The following ASPHD2 variants were observed in gnomAD, a reference collection of about 807,000 sequenced individuals.
The protein encoded by ASPHD2 is aspartate beta-hydroxylase domain containing 2.
Under a neutral mutation model 34.6 loss-of-function variants are expected in ASPHD2, and 12 were observed. The ratio of observed to expected loss-of-function variants is 0.35; its 90% confidence interval spans 0.22 to 0.56. ASPHD2 has a LOEUF of 0.56. Among genes scored for constraint, ASPHD2 ranks in the 20% least tolerant of loss-of-function variants. ASPHD2 has a pLI of 0.87. For missense variants in ASPHD2, 375 were observed against 505.0 expected (o/e 0.74, Z 2.47); for synonymous variants, 224 against 212.2 (o/e 1.06, Z -0.48).
chr22:26,443,279 C>A lies in ASPHD2; in HGVS notation c.*73C>A. On this transcript the variant is annotated 3_prime_UTR_variant, in exon 4 of 4. Transcript: ENST00000215906. ...GGGCAGACTGTGGTCCGGTCCAGTCCCTACCGGTGTTGTTTCCATGCTCAG... is the reference window on the plus strand; with the variant it reads ...GGGCAGACTGTGGTCCGGTCCAGTCACTACCGGTGTTGTTTCCATGCTCAG... The A allele has an allele frequency of 7.9e-7, 1 of 1,273,390 alleles. No individual in the cohort carries two copies. The highest frequency in any genetic ancestry group is 1.1e-6 in the Non-Finnish European group (1 of 877,676). 78.9% of individuals were successfully genotyped at this position (1,273,390 alleles called of 1,614,324 possible).
rs1201256237 is a variant in ASPHD2 at position 26,434,476 on chromosome 22, C to G, written c.861C>G (p.Thr287=). 68 of 1,592,932 alleles carry G rather than the reference C, an allele frequency of 4.3e-5. No individual in the cohort carries two copies. The highest frequency in any genetic ancestry group is 5.1e-5 in the Non-Finnish European group (60 of 1,165,266). Residue 287 remains threonine, a synonymous_variant, in exon 2 of 4, where the codon ACC becomes ACG. Transcript: ENST00000215906. ...GTVITEHYGP[T]NIRIRCHLGL... ...TGATAACGGAGCACTATGGACCCAC[C>G]AACATCCGCATCCGATGCCATTTAG...
At chr22:26,432,704 T>A (rs776055220) in intron 1 of ASPHD2, among the ~76,000 whole-genome samples, 12 of 152,222 alleles carry the variant, frequency 7.9e-5, no homozygotes, top group Non-Finnish European at 1.8e-4. Flanking sequence ...CTCCCTCATT[T>A]TCCTTTCATG....
In ASPHD2 at chr22:26,438,574, T is replaced by TAC. The variant is rs1207925456; in HGVS notation, c.887-3884_887-3883insCA. ...ATACACATACATATATACACATACA[T>TAC]ATATATACATACATATATATACACA... On this transcript the variant is annotated intron_variant, in intron 2 of 3. Coordinates refer to ENST00000215906, the MANE Select transcript of ASPHD2 (RefSeq NM_020437.5). 2.6e-4 allele frequency among the ~76,000 whole-genome samples: 19 copies of TAC among 72,956 alleles called. 1 individual carries two copies. The East Asian group carries it at 2.7e-3, about 10-fold the overall frequency. 47.9% of individuals were successfully genotyped at this position (72,956 alleles called of 152,430 possible). A position where few individuals can be genotyped will look rare whatever the true frequency, so the allele number is the denominator to read the frequency against.
At chr22:26,437,598 C>G (rs2146130459) in intron 2 of ASPHD2, among the ~76,000 whole-genome samples, 1 of 152,316 alleles carries the variant, frequency 6.6e-6, no homozygotes, top group South Asian at 2.1e-4. Context: ...GCAGATACTT[C>G]ATGAAAATGC....
In ASPHD2 at chr22:26,443,080, C is replaced by A. The variant is rs1568986016; in HGVS notation, c.1001-17C>A. 6.2e-7 allele frequency: 1 copy of A among 1,600,436 alleles called. No homozygotes were observed. Among genetic ancestry groups the A allele is most frequent in the Non-Finnish European group, 8.6e-7 (1 of 1,167,428 alleles). On this transcript the variant is annotated splice_polypyrimidine_tract_variant and intron_variant, in intron 3 of 3. Transcript: ENST00000215906. ...GGGTGGTTTGAACCTGTCCTCTCAC[C>A]CCTCCTTCCCCCCCAGGTTCAGCAG...
chr22:26,437,848 A>G (rs1298609972), intron 2 of ASPHD2, among the ~76,000 whole-genome samples: 1 of 152,074 alleles, frequency 6.6e-6, no homozygotes, highest in African/African-American at 2.4e-5. Context: ...ACAGAGCAGC[A>G]AAGCTTGAGC....
intron 2 of ASPHD2, among the ~76,000 whole-genome samples, chr22:26,437,434 C>T (rs1355433008): frequency 1.3e-5 from 2 of 152,180 alleles, no homozygotes; most frequent in African/African-American, 4.8e-5. Context: ...CTAGAGGTGG[C>T]ATCACCTAGT....
Position 26,443,783 on chromosome 22 carries a change from C to G in ASPHD2, c.*577C>G, listed in dbSNP as rs947879535. The G allele has an allele frequency of 2.0e-5, 3 of 152,400 alleles. No homozygotes were observed. The highest frequency in any genetic ancestry group is 6.5e-5 in the Admixed American group (1 of 15,286). 9.4% of individuals were successfully genotyped at this position (152,400 alleles called of 1,614,324 possible). Reference sequence around the variant, plus strand: ...AGCCAGGTGGAGGGGCTGCCAGACACAGTCAGGGTGGCACACAGTGTCCAG... The same window carrying G: ...AGCCAGGTGGAGGGGCTGCCAGACAGAGTCAGGGTGGCACACAGTGTCCAG... On this transcript the variant is annotated 3_prime_UTR_variant, in exon 4 of 4. Coordinates refer to ENST00000215906, the MANE Select transcript of ASPHD2 (RefSeq NM_020437.5).
chr22:26,432,577 G>T (rs1035899158), intron 1 of ASPHD2, among the ~76,000 whole-genome samples: 1 of 152,216 alleles, frequency 6.6e-6, no homozygotes, highest in Non-Finnish European at 1.5e-5. Flanking sequence ...AGAGTTCCGG[G>T]CTCTGTCCCT....
Position 26,434,511 on chromosome 22 carries a change from A to C in ASPHD2, c.886+10A>C, listed in dbSNP as rs2146128158. The stretch of plus-strand genomic sequence containing the variant: ...ATCCGATGCCATTTAGGTATGTTGC[A>C]AGGACAGGGGTCTCCCGGCATGCAC... On this transcript the variant is annotated intron_variant, in intron 2 of 3. Coordinates refer to ENST00000215906, the MANE Select transcript of ASPHD2 (RefSeq NM_020437.5). 6.4e-7 allele frequency: 1 copy of C among 1,567,350 alleles called. No individual in the cohort carries two copies.
intron 2 of ASPHD2, among the ~76,000 whole-genome samples, chr22:26,438,580 T>TACATATAG (rs2084813009): frequency 1.6e-5 from 1 of 62,358 alleles, no homozygotes; most frequent in Non-Finnish European, 3.1e-5. Context: ...TACATATATA[T>TACATATAG]ACATACATAT....
chr22:26,435,740 G>GAA (rs1317764981), intron 2 of ASPHD2, among the ~76,000 whole-genome samples: 2 of 137,124 alleles, frequency 1.5e-5, no homozygotes, highest in African/African-American at 2.8e-5. Context: ...GAAAAGAAAA[G>GAA]AAAAGAAAAG....
chr22:26,443,784 A>C lies in ASPHD2; in HGVS notation c.*578A>C, dbSNP rs1335627164. The C allele has an allele frequency of 6.6e-6, 1 of 152,408 alleles. No homozygotes were observed. Among genetic ancestry groups the C allele is most frequent in the Admixed American group, 6.5e-5 (1 of 15,282 alleles). The allele number at this position is 152,408 out of a possible 1,614,324, so 9.4% of individuals were successfully genotyped here. ...GCCAGGTGGAGGGGCTGCCAGACAC[A>C]GTCAGGGTGGCACACAGTGTCCAGG... On this transcript the variant is annotated 3_prime_UTR_variant, in exon 4 of 4. Transcript: ENST00000215906.
chr22:26,434,365 G>A lies in ASPHD2; in HGVS notation c.750G>A (p.Thr250=), dbSNP rs753021769. The A allele has an allele frequency of 1.9e-5, 31 of 1,614,222 alleles. No homozygotes were observed. The highest frequency in any genetic ancestry group is 1.4e-4 in the South Asian group (13 of 91,090). ...VPRNCRKCPR[T]YRLLGSLRTC... is the part of the protein sequence containing the mutation. ...GGAACTGTAGGAAGTGCCCACGGAC[G>A]TACCGCTTGCTCGGAAGCCTTCGGA... The change falls in exon 2 of 4, where the codon ACG becomes ACA. Residue 250 remains threonine (T), a synonymous_variant. Coordinates refer to ENST00000215906, the MANE Select transcript of ASPHD2 (RefSeq NM_020437.5).
chr22:26,443,091 C>T lies in ASPHD2; in HGVS notation c.1001-6C>T. ...ACCTGTCCTCTCACCCCTCCTTCCC[C>T]CCCAGGTTCAGCAGAGGATGGCCCA... On this transcript the variant is annotated splice_region_variant and splice_polypyrimidine_tract_variant and intron_variant, in intron 3 of 3. Transcript: ENST00000215906. 1 of 1,611,664 alleles carries T rather than the reference C, an allele frequency of 6.2e-7. No homozygotes were observed. The highest frequency in any genetic ancestry group is 1.1e-5 in the South Asian group (1 of 91,032).
chr22:26,436,882 C>T (rs1161111492), intron 2 of ASPHD2, among the ~76,000 whole-genome samples: 1 of 151,996 alleles, frequency 6.6e-6, no homozygotes, highest in Non-Finnish European at 1.5e-5. Context: ...CATGCCCACG[C>T]TGGCTCACAC....
intron 2 of ASPHD2, among the ~76,000 whole-genome samples, chr22:26,437,777 C>A (rs2084801248): frequency 6.6e-6 from 1 of 152,098 alleles, no homozygotes; most frequent in African/African-American, 2.4e-5. Context: ...GAAGTGGGGG[C>A]CACTGGTGGA....
At chr22:26,431,846 C>G (rs114134583) in intron 1 of ASPHD2, among the ~76,000 whole-genome samples, 2 of 152,220 alleles carry the variant, frequency 1.3e-5, no homozygotes, top group Non-Finnish European at 2.9e-5. Flanking sequence ...TGCTGTCCAT[C>G]CGCCATCATT....
At chr22:26,431,523 G>A (rs1369152444) in intron 1 of ASPHD2, among the ~76,000 whole-genome samples, 1 of 151,996 alleles carries the variant, frequency 6.6e-6, no homozygotes, top group African/African-American at 2.4e-5. Flanking sequence ...TATTCAGCAT[G>A]TGTGTTTTTG....
Sources: gnomAD v4.1 joint callset for allele counts (sites outside exome capture counted in the v4.1 genomes callset) on GRCh38, gnomAD v4.1.1 for gene constraint, MANE v1.5 for transcripts, NCBI Gene and HGNC (gene_info 2026-07-23, HGNC 2026-07-21) for gene names.